Variants in C17orf50 observed in about 807,000 individuals in gnomAD.
The protein encoded by C17orf50 is plakoglobin binding and degradation factor, also known as uncharacterized protein C17orf50.
Under a neutral mutation model 17.7 loss-of-function variants are expected in C17orf50, and 16 were observed. That is an observed-to-expected ratio of 0.90 (90% CI 0.61 to 1.37). The LOEUF is 1.37. Ranked by LOEUF, C17orf50 falls within the 40% of genes most tolerant of loss-of-function variation. C17orf50 has a pLI of 0.00. For missense variants in C17orf50, 271 were observed against 240.7 expected (o/e 1.13, Z -0.83); for synonymous variants, 125 against 111.0 (o/e 1.13, Z -0.80).
chr17:35,764,369 C>A lies in C17orf50; in HGVS notation c.332+44C>A, dbSNP rs375343724. Reference sequence around the variant, plus strand: ...ACCGGGGCACGAGGGAGGCGGTGCCCGGGCCCCAGGGAGGAGGGGCTGCCC... The same window carrying A: ...ACCGGGGCACGAGGGAGGCGGTGCCAGGGCCCCAGGGAGGAGGGGCTGCCC... On this transcript the variant is annotated intron_variant, in intron 2 of 2. Coordinates refer to ENST00000605587, the MANE Select transcript of C17orf50 (RefSeq NM_145272.4). 6 of 1,452,806 alleles carry A rather than the reference C, an allele frequency of 4.1e-6. No individual in the cohort carries two copies. In the African/African-American group the frequency reaches 7.4e-5, roughly 18 times the overall value. 90.0% of individuals were successfully genotyped at this position (1,452,806 alleles called of 1,614,324 possible).
intron 1 of C17orf50, 144 bp downstream of exon 1, chr17:35,761,098 A>AT: frequency 4.2e-6 from 3 of 711,460 alleles, no homozygotes; most frequent in Non-Finnish European, 6.2e-6. Flanking sequence ...CGCCTTCCTG[A>AT]ATTTTTTTTT....
Position 35,763,574 on chromosome 17 carries a change from C to T in C17orf50, c.14-433C>T, listed in dbSNP as rs2085868279. On this transcript the variant is annotated intron_variant, in intron 1 of 2. Transcript: ENST00000605587. ...GTGCTGAGATTACAGGCGTGAGCCA[C>T]CATGCCTGGACTTAAAAAATTTTTT... Among the ~76,000 whole-genome samples the T allele has an allele frequency of 2.0e-5, 3 of 151,644 alleles. No individual in the cohort carries two copies. The South Asian group carries it at 6.2e-4, about 31-fold the overall frequency.
Position 35,764,649 on chromosome 17 carries a change from A to G in C17orf50, c.*31A>G, listed in dbSNP as rs782099888. 6.5e-7 allele frequency: 1 copy of G among 1,539,524 alleles called. No individual in the cohort carries two copies. The highest frequency in any genetic ancestry group is 1.4e-5 in the African/African-American group (1 of 69,178). ...CCCGCTCCCAGCCTTTGTGCCCTCC[A>G]TCATTTCCTGGCCCCAGACCCCCTA... On this transcript the variant is annotated 3_prime_UTR_variant, in exon 3 of 3. Coordinates refer to ENST00000605587, the MANE Select transcript of C17orf50 (RefSeq NM_145272.4).
In C17orf50 at chr17:35,763,960, C is replaced by T. The variant is rs190465260; in HGVS notation, c.14-47C>T. On this transcript the variant is annotated intron_variant, in intron 1 of 2. Coordinates refer to ENST00000605587, the MANE Select transcript of C17orf50 (RefSeq NM_145272.4). ...AATACATGAAAAATTATTCTGGACC[C>T]TTTCTCGGGGACAGCAGGACTGCCC... is the stretch of plus-strand genomic sequence containing the variant. 57 of 1,364,522 alleles carry T rather than the reference C, an allele frequency of 4.2e-5. No individual in the cohort carries two copies. In the African/African-American group the frequency reaches 8.0e-4, roughly 19 times the overall value. The allele number at this position is 1,364,522 out of a possible 1,614,324, so 84.5% of individuals were successfully genotyped here. A position where few individuals can be genotyped will look rare whatever the true frequency, so the allele number is the denominator to read the frequency against.
At position 35,763,788 on chromosome 17, in the gene C17orf50, T is replaced by C. The variant is rs2085872497; in HGVS notation, c.14-219T>C. ...GGGGCGTGCCTGTAGTCCCAGCTAC[T>C]TGGGAGGCTGAGGCAAAAGAATCGC... On this transcript the variant is annotated intron_variant, in intron 1 of 2. Coordinates refer to ENST00000605587, the MANE Select transcript of C17orf50 (RefSeq NM_145272.4). Among the ~76,000 whole-genome samples, 3 of 151,892 alleles carry C rather than the reference T, an allele frequency of 2.0e-5. No individual in the cohort carries two copies. In the South Asian group the frequency reaches 6.2e-4, roughly 32 times the overall value.
At chr17:35,761,980 TTTTC>T (rs377610298) in intron 1 of C17orf50, among the ~76,000 whole-genome samples, 17 of 152,042 alleles carry the variant, frequency 1.1e-4, no homozygotes, top group Non-Finnish European at 2.1e-4. Flanking sequence ...AAACGTTTCT[TTTTC>T]TTTCTTTCTT....
intron 1 of C17orf50, among the ~76,000 whole-genome samples, chr17:35,762,956 A>G (rs2085851500): frequency 6.6e-6 from 1 of 152,044 alleles, no homozygotes; most frequent in South Asian, 2.1e-4. Context: ...CCTGGTCTCT[A>G]CTAAAAATAC....
rs782590163 is a variant in C17orf50 at position 35,764,119 on chromosome 17, G to T, written c.126G>T (p.Pro42=). ...SEDEDEDNQR[P]LEDSATEGEE... Reference sequence around the variant, plus strand: ...ACGAGGACGAGGACAACCAGAGGCCGCTGGAGGACAGCGCGACGGAGGGCG... The same window carrying T: ...ACGAGGACGAGGACAACCAGAGGCCTCTGGAGGACAGCGCGACGGAGGGCG... Residue 42 remains proline (P), a synonymous_variant, in exon 2 of 3, where the codon CCG becomes CCT. Coordinates refer to ENST00000605587, the MANE Select transcript of C17orf50 (RefSeq NM_145272.4). The T allele has an allele frequency of 8.4e-6, 13 of 1,549,934 alleles. No individual in the cohort carries two copies. The African/African-American group carries it at 1.4e-4, about 16-fold the overall frequency.
chr17:35,763,747 A>G (rs180874739), intron 1 of C17orf50, among the ~76,000 whole-genome samples: 2 of 151,746 alleles, frequency 1.3e-5, no homozygotes, highest in African/African-American at 4.8e-5. Context: ...AAATACAAAA[A>G]TTAGCAGGGC....
Position 35,764,086 on chromosome 17 carries a change from G to T in C17orf50, c.93G>T (p.Gly31=), listed in dbSNP as rs782414267. The change falls in exon 2 of 3, where the codon GGG becomes GGT. Residue 31 remains glycine (G), a synonymous_variant. Coordinates refer to ENST00000605587, the MANE Select transcript of C17orf50 (RefSeq NM_145272.4). ...CGGAGCAAGAGGAAGGGAAGGAGGG[G>T]TCGGAGGACGAGGACGAGGACAACC... ...EDAEQEEGKE[G]SEDEDEDNQR... 1 of 1,550,326 alleles carries T rather than the reference G, an allele frequency of 6.5e-7. No individual in the cohort carries two copies.
chr17:35,764,182 C>G lies in C17orf50; in HGVS notation c.189C>G (p.Arg63=). 2 of 1,548,268 alleles carry G rather than the reference C, an allele frequency of 1.3e-6. No individual in the cohort carries two copies. The highest frequency in any genetic ancestry group is 1.7e-6 in the Non-Finnish European group (2 of 1,146,638). The change falls in exon 2 of 3, where the codon CGC becomes CGG. Residue 63 remains arginine, a synonymous_variant. Transcript: ENST00000605587. ...PPRVAEEGEG[R]ERRSVSYCPL... ...GGGTAGCGGAGGAGGGCGAAGGCCG[C>G]GAGCGGCGCTCAGTGTCCTACTGCC...
At position 35,764,612 on chromosome 17, in the gene C17orf50, C is replaced by T. The variant is rs1555602437; in HGVS notation, c.519C>T (p.Asn173=). 1.4e-5 allele frequency: 22 copies of T among 1,580,292 alleles called. No individual in the cohort carries two copies. The highest frequency in any genetic ancestry group is 1.7e-5 in the Non-Finnish European group (20 of 1,168,498). Residue 173 remains asparagine, a synonymous_variant, in exon 3 of 3, where the codon AAC becomes AAT. Coordinates refer to ENST00000605587, the MANE Select transcript of C17orf50 (RefSeq NM_145272.4). ...TGGGTAAGGCGGGGGCCGCTGGGAACTCCTGAGCGCCCCCGCTCCCAGCCT... is the reference window on the plus strand; with the variant it reads ...TGGGTAAGGCGGGGGCCGCTGGGAATTCCTGAGCGCCCCCGCTCCCAGCCT... ...PDLGKAGAAG[N]S
rs1214867492 is a variant in C17orf50 at position 35,764,131 on chromosome 17, C to G, written c.138C>G (p.Ser46Arg). 6.5e-7 allele frequency: 1 copy of G among 1,549,522 alleles called. No homozygotes were observed. Among genetic ancestry groups the G allele is most frequent in the African/African-American group, 1.4e-5 (1 of 72,984 alleles). The change falls in exon 2 of 3, where the codon AGC becomes AGG. Residue 46 changes from serine to arginine, a missense_variant. Ser to Arg is a moderately radical substitution (Grantham distance 110, BLOSUM62 -1). Transcript: ENST00000605587. ...ACAACCAGAGGCCGCTGGAGGACAG[C>G]GCGACGGAGGGCGAGGAGCCGCCGC... The part of the protein sequence containing the change: ...DEDNQRPLED[S>R]ATEGEEPPRV...
intron 1 of C17orf50, among the ~76,000 whole-genome samples, chr17:35,762,675 C>A (rs1024291580): frequency 6.6e-6 from 1 of 152,140 alleles, no homozygotes; most frequent in Non-Finnish European, 1.5e-5. Flanking sequence ...ATTTCCCTAA[C>A]TATAAGGCAC....
In C17orf50 at chr17:35,764,299, G is replaced by C. The variant is rs782246248; in HGVS notation, c.306G>C (p.Leu102=). Residue 102 remains leucine (L), a synonymous_variant, in exon 2 of 3, where the codon CTG becomes CTC. Transcript: ENST00000605587. ...FWGWLGPLAL[L]GGLTAPTDRK... is the part of the protein sequence containing the mutation. ...GCTGGCTCGGCCCCTTAGCGCTGCT[G>C]GGCGGCCTAACAGCTCCCACCGACA... 1 of 1,510,276 alleles carries C rather than the reference G, an allele frequency of 6.6e-7. No individual in the cohort carries two copies. The highest frequency in any genetic ancestry group is 2.5e-5 in the East Asian group (1 of 39,328). The allele number at this position is 1,510,276 out of a possible 1,614,324, so 93.6% of individuals were successfully genotyped here. A position where few individuals can be genotyped will look rare whatever the true frequency, so the allele number is the denominator to read the frequency against.
At chr17:35,760,992 GGACCTCTTGACCCTA>G (rs782510083) in intron 1 of C17orf50, 38 bp downstream of exon 1, 22 of 1,601,570 alleles carry the variant, frequency 1.4e-5, no homozygotes, top group Non-Finnish European at 1.8e-5. Context: ...CTGGAGGACA[GGACCTCTTGACCCTA>G]GCTTGGACAA....
intron 1 of C17orf50, among the ~76,000 whole-genome samples, chr17:35,761,387 A>G (rs2085817138): frequency 6.7e-6 from 1 of 150,266 alleles, no homozygotes; most frequent in Admixed American, 6.6e-5. Context: ...CTGGGATTAC[A>G]GGCATGAGCC....
chr17:35,760,914 G>T lies in C17orf50; in HGVS notation c.-28G>T. 6.2e-7 allele frequency: 1 copy of T among 1,613,590 alleles called. No homozygotes were observed. ...CCTCTCACATCCCAGTCTCTGATCA[G>T]GGAAAGCAGGGCACAGCCTTGGGAA... On this transcript the variant is annotated 5_prime_UTR_variant, in exon 1 of 3. It adds an upstream start codon to the 5' untranslated region. Coordinates refer to ENST00000605587, the MANE Select transcript of C17orf50 (RefSeq NM_145272.4).
rs1419670465 is a variant in C17orf50 at position 35,764,414 on chromosome 17, C to T, written c.333-12C>T. ...CTGCCCCAGGCACTGAGCGCCTGGT[C>T]CCCGCCGGCAGGAAGCGGAGCCTCC... On this transcript the variant is annotated splice_polypyrimidine_tract_variant and intron_variant, in intron 2 of 2. Coordinates refer to ENST00000605587, the MANE Select transcript of C17orf50 (RefSeq NM_145272.4). The T allele has an allele frequency of 7.9e-6, 12 of 1,522,104 alleles. No homozygotes were observed. The highest frequency in any genetic ancestry group is 2.5e-5 in the South Asian group (2 of 81,022). The allele number at this position is 1,522,104 out of a possible 1,614,324, so 94.3% of individuals were successfully genotyped here. A position where few individuals can be genotyped will look rare whatever the true frequency, so the allele number is the denominator to read the frequency against.
Sources: allele counts gnomAD v4.1 joint callset (sites outside exome capture counted in the v4.1 genomes callset), GRCh38; gene constraint gnomAD v4.1.1; transcripts MANE v1.5; gene names NCBI Gene and HGNC (gene_info 2026-07-23, HGNC 2026-07-21).